COX7A1: variants seen among roughly 807,000 people sequenced by gnomAD.
COX7A1 encodes cytochrome c oxidase subunit 7A1, mitochondrial.
COX7A1 carries 21 observed loss-of-function variants against 13.2 expected under a neutral mutation model. The observed-to-expected ratio is 1.59, with a 90% CI of 1.13 to 2.29. The LOEUF is 2.29. Ranked by LOEUF, COX7A1 falls within the 30% of genes most tolerant of loss-of-function variation. The probability of loss-of-function intolerance (pLI) is 0.00; values close to 1 mark genes in which losing one functional copy is unlikely to be tolerated. For missense variants in COX7A1, 107 were observed against 100.0 expected, an observed-to-expected ratio of 1.07 and a Z score of -0.30; for synonymous variants, 41 against 41.9, an observed-to-expected ratio of 0.98 and a Z score of 0.08.
chr19:36,151,645 T>TCCCCCCCCCCCCCCCCCC, intron 2 of COX7A1, 24 bp downstream of exon 2: 34 of 1,387,596 alleles, frequency 2.5e-5, no homozygotes, highest in Non-Finnish European at 3.2e-5. Context: ...GCGCGTCGGA[T>TCCCCCCCCCCCCCCCCCC]CCCCACCCCC....
Position 36,151,649 on chromosome 19 carries a change from C to CCCCGG in COX7A1, c.102+19_102+20insCCGGG. ...GCTCCCGGCTGGCGCGTCGGATCCC[C>CCCCGG]ACCCCCCCCGACCCCCCACCTGGAA... On this transcript the variant is annotated intron_variant, in intron 2 of 3. Transcript: ENST00000292907. The CCCCGG allele has an allele frequency of 1.4e-6, 2 of 1,398,570 alleles. No individual in the cohort carries two copies. Among genetic ancestry groups the CCCCGG allele is most frequent in the Non-Finnish European group, 1.9e-6 (2 of 1,029,292 alleles). The allele number at this position is 1,398,570 out of a possible 1,614,324, so 86.6% of individuals were successfully genotyped here.
At chr19:36,151,645 T>G (rs1201624805) in intron 2 of COX7A1, 24 bp downstream of exon 2, 4 of 1,387,968 alleles carry the variant, frequency 2.9e-6, no homozygotes, top group African/African-American at 1.9e-5. Flanking sequence ...GCGCGTCGGA[T>G]CCCCACCCCC....
Position 36,151,710 on chromosome 19 carries a change from G to T in COX7A1, c.61C>A (p.Arg21Ser). The change falls in exon 2 of 4, where the codon CGC becomes AGC. Residue 21 changes from arginine to serine, a missense_variant. Physicochemically the swap from Arg to Ser is moderately radical, Grantham distance 110. Transcript: ENST00000292907. ...IRSFSSTARNRFQNRVREKQK... is the reference protein window; with the variant it reads ...IRSFSSTARNSFQNRVREKQK... The stretch of plus-strand genomic sequence containing the variant: ...TTCTCGCGCACTCGGTTCTGAAAGC[G>T]GTTCCGGGCGGTGGAGCTGAAGGAG... The T allele has an allele frequency of 6.6e-7, 1 of 1,525,176 alleles. No homozygotes were observed. The highest frequency in any genetic ancestry group is 8.9e-7 in the Non-Finnish European group (1 of 1,127,912). The allele number at this position is 1,525,176 out of a possible 1,614,324, so 94.5% of individuals were successfully genotyped here.
rs1313314678 is a variant in COX7A1, at chr19:36,150,979, G to A, written c.*3C>T. 1 of 1,613,886 alleles carries A rather than the reference G, an allele frequency of 6.2e-7. No homozygotes were observed. Among genetic ancestry groups the A allele is most frequent in the East Asian group, 2.2e-5 (1 of 44,872 alleles). Reference sequence around the variant, plus strand: ...TCTCTCAGGCCCCCCAGGCTTCTTGGTCTTAATTCCTGGGGAAGGAGGCCC... The same window carrying A: ...TCTCTCAGGCCCCCCAGGCTTCTTGATCTTAATTCCTGGGGAAGGAGGCCC... On this transcript the variant is annotated 3_prime_UTR_variant, in exon 4 of 4. Transcript: ENST00000292907.
chr19:36,151,636 C>A (rs1318349421), intron 2 of COX7A1, 33 bp downstream of exon 2: 2 of 1,599,898 alleles, frequency 1.3e-6, no homozygotes, highest in South Asian at 1.1e-5. Context: ...TCCCGGCTGG[C>A]GCGTCGGATC....
At position 36,151,665 on chromosome 19, in the gene COX7A1, C is replaced by CCCCCCCCCCCCCG; in HGVS notation, c.102+3_102+4insCGGGGGGGGGGGG. 6.3e-7 allele frequency: 1 copy of CCCCCCCCCCCCCG among 1,583,862 alleles called. No individual in the cohort carries two copies. Among genetic ancestry groups the CCCCCCCCCCCCCG allele is most frequent in the Non-Finnish European group, 8.6e-7 (1 of 1,162,076 alleles). The stretch of plus-strand genomic sequence containing the variant: ...TCGGATCCCCACCCCCCCCGACCCC[C>CCCCCCCCCCCCCG]CACCTGGAAGAGCTTCTGTTTCTCG... On this transcript the variant is annotated splice_donor_region_variant and intron_variant, in intron 2 of 3. Transcript: ENST00000292907.
At chr19:36,151,595 AGCGCGCCCCGCCTGCCCCGGCTCG>A (rs757007537) in intron 2 of COX7A1, 49 bp from the exon 3 acceptor site, 1 of 1,611,502 alleles carries the variant, frequency 6.2e-7, no homozygotes, top group East Asian at 2.2e-5. Flanking sequence ...TGCTCCTTAG[AGCGCGCCCCGCCTGCCCCGGCTCG>A]GCGCGCTCCC....
chr19:36,151,655 C>CCCG lies in COX7A1; in HGVS notation c.102+13_102+14insCGG. The CCCG allele has an allele frequency of 3.5e-6, 5 of 1,442,190 alleles. No individual in the cohort carries two copies. The African/African-American group carries it at 7.8e-5, about 22-fold the overall frequency. 89.3% of individuals were successfully genotyped at this position (1,442,190 alleles called of 1,614,324 possible). ...GGCTGGCGCGTCGGATCCCCACCCC[C>CCCG]CCCGACCCCCCACCTGGAAGAGCTT... On this transcript the variant is annotated intron_variant, in intron 2 of 3. Transcript: ENST00000292907.
intron 3 of COX7A1, 49 bp downstream of exon 3, chr19:36,151,413 C>G: frequency 6.2e-7 from 1 of 1,605,348 alleles, no homozygotes; most frequent in Non-Finnish European, 8.5e-7. Context: ...ACCTCTTACT[C>G]TGGGTCCAGC....
chr19:36,151,650 A>AACCCC lies in COX7A1; in HGVS notation c.102+18_102+19insGGGGT. 4 of 1,078,304 alleles carry AACCCC rather than the reference A, an allele frequency of 3.7e-6. No individual in the cohort carries two copies. Among genetic ancestry groups the AACCCC allele is most frequent in the Non-Finnish European group, 5.2e-6 (4 of 775,878 alleles). The allele number at this position is 1,078,304 out of a possible 1,614,324, so 66.8% of individuals were successfully genotyped here. A position where few individuals can be genotyped will look rare whatever the true frequency, so the allele number is the denominator to read the frequency against. ...CTCCCGGCTGGCGCGTCGGATCCCCACCCCCCCCGACCCCCCACCTGGAAG... is the reference window on the plus strand; with the variant it reads ...CTCCCGGCTGGCGCGTCGGATCCCCAACCCCCCCCCCCCGACCCCCCACCTGGAAG... On this transcript the variant is annotated intron_variant, in intron 2 of 3. Coordinates refer to ENST00000292907, the MANE Select transcript of COX7A1 (RefSeq NM_001864.4).
Position 36,151,672 on chromosome 19 carries a change from G to A in COX7A1, c.99C>T (p.Phe33=). 9.5e-7 allele frequency: 1 copy of A among 1,050,424 alleles called. No homozygotes were observed. Among genetic ancestry groups the A allele is most frequent in the African/African-American group, 1.7e-5 (1 of 59,534 alleles). The allele number at this position is 1,050,424 out of a possible 1,614,324, so 65.1% of individuals were successfully genotyped here. Residue 33 remains phenylalanine (F), a synonymous_variant, in exon 2 of 4, where the codon TTC becomes TTT. Coordinates refer to ENST00000292907, the MANE Select transcript of COX7A1 (RefSeq NM_001864.4). Reference sequence around the variant, plus strand: ...CCCACCCCCCCCGACCCCCCACCTGGAAGAGCTTCTGTTTCTCGCGCACTC... The same window carrying A: ...CCCACCCCCCCCGACCCCCCACCTGAAAGAGCTTCTGTTTCTCGCGCACTC... ...QNRVREKQKL[F]QEDNDIPLYL...
At chr19:36,151,160 C>T (rs1974761011) in intron 3 of COX7A1, 126 bp from the exon 4 acceptor site, 1 of 1,016,710 alleles carries the variant, frequency 9.8e-7, no homozygotes, top group Admixed American at 2.5e-5. Context: ...ACTCCAGCTC[C>T]CTTCCCAGAT....
chr19:36,151,645 T>TCGCCCCC, intron 2 of COX7A1, 24 bp downstream of exon 2: 1 of 1,387,632 alleles, frequency 7.2e-7, no homozygotes, highest in Non-Finnish European at 9.9e-7. Flanking sequence ...GCGCGTCGGA[T>TCGCCCCC]CCCCACCCCC....
chr19:36,151,645 T>TGCCCCCCCCCCCCCCCCCCCC, intron 2 of COX7A1, 24 bp downstream of exon 2: 5 of 1,387,606 alleles, frequency 3.6e-6, no homozygotes, highest in Non-Finnish European at 4.0e-6. Context: ...GCGCGTCGGA[T>TGCCCCCCCCCCCCCCCCCCCC]CCCCACCCCC....
intron 1 of COX7A1, among the ~76,000 whole-genome samples, 200 bp downstream of exon 1, chr19:36,152,193 C>T (rs1599890385): frequency 6.6e-6 from 1 of 152,208 alleles, no homozygotes; most frequent in East Asian, 1.9e-4. Context: ...AAACCCGGGG[C>T]TTTGGGCCGG....
intron 2 of COX7A1, 24 bp downstream of exon 2, chr19:36,151,645 T>TGCCCCCCGC: frequency 7.2e-7 from 1 of 1,387,628 alleles, no homozygotes; most frequent in Non-Finnish European, 9.9e-7. Flanking sequence ...GCGCGTCGGA[T>TGCCCCCCGC]CCCCACCCCC....
At chr19:36,151,634 G>A (rs971014309) in intron 2 of COX7A1, 35 bp downstream of exon 2, 2 of 1,603,134 alleles carry the variant, frequency 1.2e-6, no homozygotes, top group African/African-American at 1.4e-5. Flanking sequence ...GCTCCCGGCT[G>A]GCGCGTCGGA....
At chr19:36,151,117 T>C in intron 3 of COX7A1, 83 bp from the exon 4 acceptor site, 1 of 1,414,800 alleles carries the variant, frequency 7.1e-7, no homozygotes, top group Non-Finnish European at 9.7e-7. Flanking sequence ...TCAGGCTCCC[T>C]GGTTCCCAGC....
At chr19:36,151,645 T>TACCCCCCCCCCCCC in intron 2 of COX7A1, 24 bp downstream of exon 2, 3 of 1,387,616 alleles carry the variant, frequency 2.2e-6, no homozygotes, top group Non-Finnish European at 3.0e-6. Flanking sequence ...GCGCGTCGGA[T>TACCCCCCCCCCCCC]CCCCACCCCC....
Sources: allele counts gnomAD v4.1 joint callset (sites outside exome capture counted in the v4.1 genomes callset), GRCh38; gene constraint gnomAD v4.1.1; transcripts MANE v1.5; gene names NCBI Gene and HGNC (gene_info 2026-07-23, HGNC 2026-07-21).